The following RIC1 variants were observed in gnomAD, a reference collection of about 807,000 sequenced individuals.
RIC1 encodes RIC1 partner of RAB6A GEF complex.
A neutral mutation model predicts 169.0 loss-of-function variants in RIC1; 88 were observed. That is an observed-to-expected ratio of 0.52 (90% CI 0.44 to 0.62). The LOEUF is 0.62. Ranked by LOEUF, RIC1 falls within the 20% of genes least tolerant of loss-of-function variation. The probability of loss-of-function intolerance (pLI) is 0.00; values close to 1 mark genes in which losing one functional copy is unlikely to be tolerated. For missense variants in RIC1, 1,877 were observed against 1,725.5 expected, an observed-to-expected ratio of 1.09 and a Z score of -1.56; for synonymous variants, 790 against 601.5, an observed-to-expected ratio of 1.31 and a Z score of -4.59.
chr9:5,720,236 T>C lies in RIC1; in HGVS notation c.495T>C (p.His165=), dbSNP rs1423076608. 6 of 1,613,320 alleles carry C rather than the reference T, an allele frequency of 3.7e-6. No individual in the cohort carries two copies. Among genetic ancestry groups the C allele is most frequent in the Non-Finnish European group, 2.5e-6 (3 of 1,179,232 alleles). The change falls in exon 5 of 26, where the codon CAT becomes CAC. Residue 165 remains histidine (H), a synonymous_variant. Coordinates refer to ENST00000414202, the MANE Select transcript of RIC1 (RefSeq NM_020829.4). ...LLVATSDGLL[H]LIHWEGMTNG... is the part of the protein sequence containing the mutation. ...TTGCTACTTCTGATGGACTTCTTCA[T>C]CTTATTCACTGGGAAGGAATGACAA...
rs2130175778 is a variant in RIC1, at chr9:5,629,389, C to T, written c.80C>T (p.Ser27Phe). 1 of 1,534,468 alleles carries T rather than the reference C, an allele frequency of 6.5e-7. No individual in the cohort carries two copies. The highest frequency in any genetic ancestry group is 8.7e-7 in the Non-Finnish European group (1 of 1,146,270). Residue 27 changes from serine to phenylalanine, a missense_variant, in exon 1 of 26, where the codon TCC becomes TTC. Around this residue, in one of 3 missense-constraint regions of RIC1, gnomAD observed 1,104 missense variants for 992.0 expected, o/e 1.11. Coordinates refer to ENST00000414202, the MANE Select transcript of RIC1 (RefSeq NM_020829.4). ...GCCGAGGCGCCTTTCCACGTTCAGT[C>T]CGACCCGCAGAGGGCTTTCTTCGCC... Reference protein sequence around the residue: ...SPAEAPFHVQSDPQRAFFAVL... With the variant: ...SPAEAPFHVQFDPQRAFFAVL...
intron 23 of RIC1, 112 bp from the exon 24 acceptor site, chr9:5,772,452 T>A (rs961183769): frequency 1.7e-5 from 14 of 813,536 alleles, no homozygotes; most frequent in Non-Finnish European, 2.4e-5. Context: ...TTTCATGTTT[T>A]AGTTTCAAGA....
At chr9:5,757,484 T>G (rs367665129) in intron 17 of RIC1, 33 bp downstream of exon 17, 1 of 1,609,458 alleles carries the variant, frequency 6.2e-7, no homozygotes, top group Middle Eastern at 1.7e-4. Context: ...CTTTGGAGTT[T>G]ACATTTCTGT....
Position 5,689,968 on chromosome 9 carries a change from G to A in RIC1, c.262G>A (p.Gly88Arg), listed in dbSNP as rs1821498268. ...AAAATTTCTCTTTCAGACGGCAAAT[G>A]GATACATCTTGTTTTTTCATATTAC... ...STMIAVSTAN[G>R]YILFFHITST... The change falls in exon 3 of 26, where the codon GGA (glycine) becomes AGA (arginine). Residue 88 changes from glycine (G) to arginine (R), a missense_variant. Gly to Arg is a moderately radical substitution (Grantham distance 125). Around this residue, in one of 3 missense-constraint regions of RIC1, gnomAD observed 1,104 missense variants for 992.0 expected, o/e 1.11. Transcript: ENST00000414202. 1 of 1,596,818 alleles carries A rather than the reference G, an allele frequency of 6.3e-7. No individual in the cohort carries two copies.
intron 1 of RIC1, among the ~76,000 whole-genome samples, chr9:5,643,328 A>G (rs1392119802): frequency 6.6e-6 from 1 of 151,936 alleles, no homozygotes; most frequent in Non-Finnish European, 1.5e-5. Context: ...TTTTTCATAG[A>G]TCATGTCAAT....
At chr9:5,642,676 C>T (rs1404657565) in intron 1 of RIC1, among the ~76,000 whole-genome samples, 1 of 144,960 alleles carries the variant, frequency 6.9e-6, no homozygotes, top group Non-Finnish European at 1.5e-5. Flanking sequence ...GCCACCACTA[C>T]CACAGGGCCA....
intron 2 of RIC1, among the ~76,000 whole-genome samples, chr9:5,682,982 A>C (rs1011424556): frequency 1.3e-5 from 2 of 151,950 alleles, no homozygotes; most frequent in African/African-American, 4.8e-5. Context: ...CGCATTCGTC[A>C]CGTAGTTCTC....
chr9:5,742,450 T>C (rs7869667), intron 8 of RIC1, among the ~76,000 whole-genome samples: 13,842 of 152,222 alleles, frequency 0.091, 791 homozygotes, highest in South Asian at 0.23. Flanking sequence ...AATAGAAATT[T>C]GCTCCTTACG....
intron 2 of RIC1, among the ~76,000 whole-genome samples, chr9:5,672,494 T>C (rs1219547807): frequency 1.3e-5 from 2 of 152,222 alleles, no homozygotes; most frequent in Non-Finnish European, 2.9e-5. Flanking sequence ...CTGAATCTTT[T>C]GTTCCAGAAG....
rs763002222 is a variant in RIC1 at position 5,732,409 on chromosome 9, C to G, written c.742C>G (p.Gln248Glu). The part of the protein sequence containing the change: ...TAEQLHGVWP[Q>E]DVVDGTCVAV... ...ATAGCAGCTTCATGGAGTTTGGCCA[C>G]AAGATGTTGTTGACGGAACGTGTGT... Residue 248 changes from glutamine (Q) to glutamate (E), a missense_variant, in exon 7 of 26, where the codon CAA (glutamine) becomes GAA (glutamate). By Grantham distance (29) the Gln-to-Glu change is conservative. Coordinates refer to ENST00000414202, the MANE Select transcript of RIC1 (RefSeq NM_020829.4). 1 of 1,609,636 alleles carries G rather than the reference C, an allele frequency of 6.2e-7. No homozygotes were observed. Among genetic ancestry groups the G allele is most frequent in the South Asian group, 1.1e-5 (1 of 90,162 alleles).
At chr9:5,736,732 A>T (rs138667143) in intron 7 of RIC1, among the ~76,000 whole-genome samples, 164 of 152,340 alleles carry the variant, frequency 1.1e-3, no homozygotes, top group African/African-American at 3.8e-3. Context: ...AACATACTGT[A>T]TGGAACTAAC....
intron 14 of RIC1, among the ~76,000 whole-genome samples, chr9:5,754,192 T>C (rs186470881): frequency 6.6e-6 from 1 of 152,154 alleles, no homozygotes; most frequent in East Asian, 1.9e-4. Context: ...ACTGATCTTT[T>C]GATGTAAACA....
chr9:5,712,480 C>G (rs1284925547), intron 3 of RIC1, among the ~76,000 whole-genome samples: 1 of 152,050 alleles, frequency 6.6e-6, no homozygotes, highest in Admixed American at 6.6e-5. Context: ...ACAAAGGACT[C>G]AAACAAATTT....
In RIC1 at chr9:5,775,663, T is replaced by A. The variant is rs1432283651; in HGVS notation, c.*1417T>A. On this transcript the variant is annotated 3_prime_UTR_variant, in exon 26 of 26. Transcript: ENST00000414202. ...TAAAGTAAATGGCTAGATTTAGTTG[T>A]CTTAGCCAGGTTTCCTTTGAAGAGA... 1 of 152,228 alleles carries A rather than the reference T, an allele frequency of 6.6e-6. No homozygotes were observed. The highest frequency in any genetic ancestry group is 1.5e-5 in the Non-Finnish European group (1 of 68,032). 9.4% of individuals were successfully genotyped at this position (152,228 alleles called of 1,614,324 possible).
intron 2 of RIC1, among the ~76,000 whole-genome samples, chr9:5,685,612 T>C (rs892718672): frequency 2.1e-4 from 32 of 151,516 alleles, no homozygotes; most frequent in Admixed American, 2.1e-3. Context: ...TTACACCTTA[T>C]ACAAAAATCA....
At chr9:5,678,866 A>C (rs1386375333) in intron 2 of RIC1, among the ~76,000 whole-genome samples, 1 of 151,706 alleles carries the variant, frequency 6.6e-6, no homozygotes, top group South Asian at 2.1e-4. Context: ...CCATTTGTCA[A>C]TTTTGGCTTT....
chr9:5,769,577 G>A, intron 22 of RIC1: 1 of 743,688 alleles, frequency 1.3e-6, no homozygotes, highest in Non-Finnish European at 2.0e-6. Flanking sequence ...TCTGGAATCA[G>A]ATAGACATGG....
intron 3 of RIC1, among the ~76,000 whole-genome samples, chr9:5,710,355 C>T (rs1002100821): frequency 1.3e-5 from 2 of 152,166 alleles, no homozygotes; most frequent in Non-Finnish European, 2.9e-5. Flanking sequence ...CTAAAGTTGT[C>T]ATAGTGCCTC....
At chr9:5,658,094 A>G (rs1187153167) in intron 2 of RIC1, among the ~76,000 whole-genome samples, 1 of 152,138 alleles carries the variant, frequency 6.6e-6, no homozygotes, top group Non-Finnish European at 1.5e-5. Flanking sequence ...TCAAGTGTAC[A>G]CATATTGCCA....
Sources: allele counts gnomAD v4.1 joint callset (sites outside exome capture counted in the v4.1 genomes callset), GRCh38; gene constraint gnomAD v4.1.1; regional missense constraint gnomAD v4.1.1; transcripts MANE v1.5; gene names NCBI Gene and HGNC (gene_info 2026-07-23, HGNC 2026-07-21).